Variants in UBE2G1 observed in about 807,000 individuals in gnomAD.
UBE2G1 encodes the protein ubiquitin-conjugating enzyme E2 G1.
In UBE2G1, 5 loss-of-function variants were observed where a neutral mutation model predicts 22.7. That is an observed-to-expected ratio of 0.22 (90% confidence interval 0.12 to 0.46). The LOEUF is 0.46. Among genes scored for constraint, UBE2G1 ranks in the 20% least tolerant of loss-of-function variants. The probability of loss-of-function intolerance (pLI) is 0.99; values close to 1 mark genes in which losing one functional copy is unlikely to be tolerated. For synonymous variants in UBE2G1, 74 were observed against 67.5 expected (o/e 1.10, Z -0.47); for missense variants, 88 against 203.9 (o/e 0.43, Z 3.46).
chr17:4,361,970 A>G (rs1969974168), intron 1 of UBE2G1, among the ~76,000 whole-genome samples: 1 of 151,822 alleles, frequency 6.6e-6, no homozygotes, highest in African/African-American at 2.4e-5. Flanking sequence ...AAAAAAAAAA[A>G]AAAAAAAAAA....
intron 3 of UBE2G1, among the ~76,000 whole-genome samples, chr17:4,293,041 T>A (rs1969061637): frequency 6.6e-6 from 1 of 152,224 alleles, no homozygotes; most frequent in African/African-American, 2.4e-5. Flanking sequence ...CTGTCTAGTA[T>A]GTCTACAGAG....
chr17:4,277,276 G>A (rs902745289), intron 5 of UBE2G1, among the ~76,000 whole-genome samples: 16 of 152,152 alleles, frequency 1.1e-4, no homozygotes, highest in African/African-American at 2.2e-4. Flanking sequence ...TGAGAGACCC[G>A]GAGTCAACCA....
At chr17:4,353,241 A>G (rs1408586234) in intron 1 of UBE2G1, among the ~76,000 whole-genome samples, 1 of 151,834 alleles carries the variant, frequency 6.6e-6, no homozygotes. Flanking sequence ...ACAACAACAA[A>G]AACTTTGAAA....
intron 1 of UBE2G1, among the ~76,000 whole-genome samples, chr17:4,340,727 C>A (rs1183573078): frequency 6.6e-6 from 1 of 151,888 alleles, no homozygotes; most frequent in Non-Finnish European, 1.5e-5. Context: ...TCGGGCAGTT[C>A]TTTATAGTAG....
chr17:4,361,792 T>A (rs60897343), intron 1 of UBE2G1, among the ~76,000 whole-genome samples: 7,111 of 151,518 alleles, frequency 0.047, 589 homozygotes, highest in African/African-American at 0.16. Context: ...ATACAAAAAA[T>A]AAGCCTGGGC....
intron 1 of UBE2G1, among the ~76,000 whole-genome samples, chr17:4,312,679 G>A (rs1969324434): frequency 8.8e-6 from 1 of 113,322 alleles, no homozygotes; most frequent in African/African-American, 3.3e-5. Context: ...CTGGGCGATA[G>A]AGCAAGACTC....
intron 1 of UBE2G1, among the ~76,000 whole-genome samples, 189 bp downstream of exon 1, chr17:4,366,082 C>A (rs1970031290): frequency 6.6e-6 from 1 of 152,130 alleles, no homozygotes; most frequent in Non-Finnish European, 1.5e-5. Context: ...CGCGTCCCCG[C>A]CCCCAGTGCC....
intron 1 of UBE2G1, among the ~76,000 whole-genome samples, chr17:4,308,179 C>T (rs542735697): frequency 5.9e-5 from 9 of 152,150 alleles, no homozygotes; most frequent in East Asian, 1.9e-4. Flanking sequence ...CATGGAGAAA[C>T]GCCGTCTCTA....
At chr17:4,336,140 G>A (rs1400016926) in intron 1 of UBE2G1, among the ~76,000 whole-genome samples, 1 of 151,926 alleles carries the variant, frequency 6.6e-6, no homozygotes, top group Non-Finnish European at 1.5e-5. Flanking sequence ...GAGCTAGACT[G>A]TCTCAAAAAG....
In UBE2G1 at chr17:4,312,615, G is replaced by C. The variant is rs183230394; in HGVS notation, c.47-5492C>G. On this transcript the variant is annotated intron_variant, in intron 1 of 5. Coordinates refer to ENST00000396981, the MANE Select transcript of UBE2G1 (RefSeq NM_003342.5). ...GGAGGCTGAGGCAGGAAAATGGCGT[G>C]AACCTGGGAGGCGGAGCTTGCAATG... Among the ~76,000 whole-genome samples, 177 of 142,664 alleles carry C rather than the reference G, an allele frequency of 1.2e-3. 2 individuals are homozygous for C. Among genetic ancestry groups the C allele is most frequent in the African/African-American group, 4.4e-3 (170 of 38,814 alleles). The allele number at this position is 142,664 out of a possible 152,430, so 93.6% of individuals were successfully genotyped here.
intron 3 of UBE2G1, among the ~76,000 whole-genome samples, chr17:4,294,002 T>G (rs942157842): frequency 6.6e-6 from 1 of 152,242 alleles, no homozygotes; most frequent in African/African-American, 2.4e-5. Flanking sequence ...TACATAGCTT[T>G]TTTATTTTTT....
At chr17:4,361,248 CA>C (rs1347329123) in intron 1 of UBE2G1, among the ~76,000 whole-genome samples, 10 of 147,940 alleles carry the variant, frequency 6.8e-5, no homozygotes, top group African/African-American at 2.5e-4. Flanking sequence ...CAATAGAGGC[CA>C]GGGGTGGTGG....
chr17:4,363,747 T>C (rs1356870792), intron 1 of UBE2G1, among the ~76,000 whole-genome samples: 1 of 151,376 alleles, frequency 6.6e-6, no homozygotes, highest in Non-Finnish European at 1.5e-5. Context: ...GGTCAGGAGA[T>C]CAAGACCATC....
At chr17:4,348,319 C>T (rs1192855878) in intron 1 of UBE2G1, among the ~76,000 whole-genome samples, 16 of 148,132 alleles carry the variant, frequency 1.1e-4, no homozygotes, top group African/African-American at 3.0e-4. Flanking sequence ...TTTGGGAGGC[C>T]GAGGCGGGCG....
intron 1 of UBE2G1, among the ~76,000 whole-genome samples, chr17:4,348,581 A>G (rs8078345): frequency 0.45 from 67,147 of 149,310 alleles, 18,096 homozygotes; most frequent in African/African-American, 0.77. Flanking sequence ...ATTAAAGAAC[A>G]GGCCGGGGGC....
At chr17:4,278,972 T>C (rs1214343858) in intron 5 of UBE2G1, among the ~76,000 whole-genome samples, 5 of 152,078 alleles carry the variant, frequency 3.3e-5, no homozygotes, top group African/African-American at 9.7e-5. Context: ...AAGCCAACCA[T>C]TGAAAAATAC....
chr17:4,290,894 C>G (rs1969028598), intron 3 of UBE2G1, among the ~76,000 whole-genome samples: 1 of 151,490 alleles, frequency 6.6e-6, no homozygotes, highest in Non-Finnish European at 1.5e-5. Context: ...TTTTTCAATG[C>G]CTACTGCATG....
At chr17:4,350,269 T>G (rs554809959) in intron 1 of UBE2G1, among the ~76,000 whole-genome samples, 128 of 152,198 alleles carry the variant, frequency 8.4e-4, no homozygotes, top group African/African-American at 3.1e-3. Context: ...AGGACCAGCC[T>G]GGCCAACATG....
chr17:4,297,289 A>T (rs1032372817), intron 2 of UBE2G1, among the ~76,000 whole-genome samples: 1 of 152,084 alleles, frequency 6.6e-6, no homozygotes, highest in African/African-American at 2.4e-5. Context: ...CCATCTATCC[A>T]TTTATTCATT....
Sources: allele counts gnomAD v4.1 joint callset (sites outside exome capture counted in the v4.1 genomes callset), GRCh38; gene constraint gnomAD v4.1.1; transcripts MANE v1.5; gene names NCBI Gene and HGNC (gene_info 2026-07-23, HGNC 2026-07-21).